PLEKHG3: variants seen among roughly 807,000 people sequenced by gnomAD.
PLEKHG3 encodes pleckstrin homology and RhoGEF domain containing G3.
PLEKHG3 carries 62 observed loss-of-function variants against 94.9 expected under a neutral mutation model. The observed-to-expected ratio is 0.65, with a 90% CI of 0.53 to 0.81. PLEKHG3 has a LOEUF of 0.81. PLEKHG3 is among the 30% of genes least tolerant of loss of function. The pLI, the probability that PLEKHG3 is intolerant of heterozygous loss-of-function variation, is 0.00. For missense variants in PLEKHG3, 1,461 were observed against 1,619.3 expected (o/e 0.90, Z 1.68); for synonymous variants, 614 against 654.0 (o/e 0.94, Z 0.93).
chr14:64,738,015 T>G lies in PLEKHG3; in HGVS notation c.1404+640T>G. On this transcript the variant is annotated intron_variant, in intron 14 of 16. Coordinates refer to ENST00000247226, the MANE Select transcript of PLEKHG3 (RefSeq NM_001308147.2). This position sits in a 1 kb window ranked among gnomAD's most constrained non-coding sequence, Gnocchi z 4.8. ...GGAGGAGGAGGAGGAAGAGCAGGCCTTTCAGGTCTCTCTGGAGGACCTGAC... is the reference window on the plus strand; with the variant it reads ...GGAGGAGGAGGAGGAAGAGCAGGCCGTTCAGGTCTCTCTGGAGGACCTGAC... 2.4e-6 allele frequency: 3 copies of G among 1,275,160 alleles called. No homozygotes were observed. Among genetic ancestry groups the G allele is most frequent in the Non-Finnish European group, 3.0e-6 (3 of 983,788 alleles). The allele number at this position is 1,275,160 out of a possible 1,614,324, so 79.0% of individuals were successfully genotyped here.
rs2081699002 is a variant in PLEKHG3, at chr14:64,741,719, C to T, written c.2202C>T (p.Phe734=). ...YENAEHHDAG[F]SVRRRESLSY... ...ATGCAGAACACCATGATGCAGGCTT[C>T]AGCGTCCGTCGCCGGGAGAGCCTCT... Residue 734 remains phenylalanine, a synonymous_variant, in exon 16 of 17, where the codon TTC becomes TTT. Coordinates refer to ENST00000247226, the MANE Select transcript of PLEKHG3 (RefSeq NM_001308147.2). 1 of 1,613,116 alleles carries T rather than the reference C, an allele frequency of 6.2e-7. No homozygotes were observed. Among genetic ancestry groups the T allele is most frequent in the Non-Finnish European group, 8.5e-7 (1 of 1,180,040 alleles).
At chr14:64,709,186 A>G (rs1197720567) in intron 1 of PLEKHG3, among the ~76,000 whole-genome samples, 1 of 152,214 alleles carries the variant, frequency 6.6e-6, no homozygotes, top group African/African-American at 2.4e-5. Flanking sequence ...AGAATGGTAC[A>G]AAGTGTGATC....
Position 64,749,902 on chromosome 14 carries a change from C to T in PLEKHG3, c.*6199C>T, listed in dbSNP as rs1002512444. The T allele has an allele frequency of 5.7e-6, 9 of 1,588,460 alleles. No individual in the cohort carries two copies. The Admixed American group carries it at 1.2e-4, about 21-fold the overall frequency. On this transcript the variant is annotated 3_prime_UTR_variant, in exon 17 of 17. Coordinates refer to ENST00000247226, the MANE Select transcript of PLEKHG3 (RefSeq NM_001308147.2). This position sits in a 1 kb window ranked among gnomAD's most constrained non-coding sequence, Gnocchi z 4.7. The stretch of plus-strand genomic sequence containing the variant: ...AGCAGCTCAGGCCTGGCACTGGTCC[C>T]CTACAGAGGGCCTCTGCCCTGCCAC...
Position 64,728,668 on chromosome 14 carries a change from G to A in PLEKHG3, c.352-328G>A, listed in dbSNP as rs1473468913. Among the ~76,000 whole-genome samples, 3 of 152,140 alleles carry A rather than the reference G, an allele frequency of 2.0e-5. No homozygotes were observed. Among genetic ancestry groups the A allele is most frequent in the Non-Finnish European group, 4.4e-5 (3 of 68,026 alleles). The stretch of plus-strand genomic sequence containing the variant: ...ATTGTTGGCCTGGAGATGCGGCCCA[G>A]CACCTTCCCATCACCTTTTTCTTTG... On this transcript the variant is annotated intron_variant, in intron 2 of 16. Transcript: ENST00000247226. This position sits in a 1 kb window ranked among gnomAD's most constrained non-coding sequence, Gnocchi z 5.9.
In PLEKHG3 at chr14:64,743,365, G is replaced by A; in HGVS notation, c.3322G>A (p.Gly1108Arg). Residue 1108 changes from glycine to arginine, a missense_variant, in exon 17 of 17, where the codon GGA becomes AGA. Gly to Arg is a moderately radical substitution (Grantham distance 125, BLOSUM62 -2). This residue lies in a region of PLEKHG3 where 1,201 missense variants were observed against 1,295.5 expected (regional missense o/e 0.93). Coordinates refer to ENST00000247226, the MANE Select transcript of PLEKHG3 (RefSeq NM_001308147.2). The surrounding 1 kb of genome is among the most constrained non-coding windows in gnomAD (Gnocchi z 7.2). Reference sequence around the variant, plus strand: ...CAGCCTGAGCACCAAGAGGGGCCGGGGAGGCGGAGAGGCTGCCCAATCCCC... The same window carrying A: ...CAGCCTGAGCACCAAGAGGGGCCGGAGAGGCGGAGAGGCTGCCCAATCCCC... ...CRSLSTKRGR[G>R]GGEAAQSPGP... The A allele has an allele frequency of 6.2e-7, 1 of 1,608,146 alleles. No homozygotes were observed. Among genetic ancestry groups the A allele is most frequent in the Non-Finnish European group, 8.5e-7 (1 of 1,177,204 alleles).
chr14:64,743,554 G>A lies in PLEKHG3; in HGVS notation c.3511G>A (p.Val1171Met). ...ESSGQGPSSPVALLGQVQDFQ... is the reference protein window; with the variant it reads ...ESSGQGPSSPMALLGQVQDFQ... The stretch of plus-strand genomic sequence containing the variant: ...CAGTGGCCAGGGACCAAGCTCACCG[G>A]TGGCCCTGCTGGGGCAGGTTCAGGA... Residue 1171 changes from valine to methionine, a missense_variant, in exon 17 of 17, where the codon GTG becomes ATG. Coordinates refer to ENST00000247226, the MANE Select transcript of PLEKHG3 (RefSeq NM_001308147.2). The surrounding 1 kb of genome is among the most constrained non-coding windows in gnomAD (Gnocchi z 7.2). The A allele has an allele frequency of 6.2e-7, 1 of 1,612,964 alleles. No homozygotes were observed. Among genetic ancestry groups the A allele is most frequent in the Non-Finnish European group, 8.5e-7 (1 of 1,179,916 alleles).
intron 1 of PLEKHG3, among the ~76,000 whole-genome samples, chr14:64,706,879 G>A (rs1164620591): frequency 7.9e-5 from 12 of 152,254 alleles, no homozygotes; most frequent in African/African-American, 2.9e-4. Context: ...CTGTAAGCCA[G>A]GGGTGCTGCC....
rs2081613218 is a variant in PLEKHG3 at position 64,738,180 on chromosome 14, T to C, written c.1405-562T>C. 2 of 1,291,402 alleles carry C rather than the reference T, an allele frequency of 1.5e-6. No individual in the cohort carries two copies. Among genetic ancestry groups the C allele is most frequent in the African/African-American group, 1.5e-5 (1 of 66,094 alleles). 80.0% of individuals were successfully genotyped at this position (1,291,402 alleles called of 1,614,324 possible). On this transcript the variant is annotated intron_variant, in intron 14 of 16. Coordinates refer to ENST00000247226, the MANE Select transcript of PLEKHG3 (RefSeq NM_001308147.2). This position sits in a 1 kb window ranked among gnomAD's most constrained non-coding sequence, Gnocchi z 4.8. ...CTCCCTGCTGGCCGCCCTCCACTGC[T>C]GGCACTATCGGGCCAACGCTTTACT...
intron 1 of PLEKHG3, among the ~76,000 whole-genome samples, chr14:64,709,059 C>T (rs1176024104): frequency 1.1e-4 from 17 of 152,338 alleles, no homozygotes; most frequent in Admixed American, 8.5e-4. Context: ...CCATCTAGAG[C>T]TGCTGGTAGC....
At position 64,732,315 on chromosome 14, in the gene PLEKHG3, G is replaced by T. The variant is rs114393302; in HGVS notation, c.1213-112G>T. 2 of 1,236,184 alleles carry T rather than the reference G, an allele frequency of 1.6e-6. No homozygotes were observed. The highest frequency in any genetic ancestry group is 2.4e-6 in the Non-Finnish European group (2 of 837,878). The allele number at this position is 1,236,184 out of a possible 1,614,324, so 76.6% of individuals were successfully genotyped here. On this transcript the variant is annotated intron_variant, in intron 10 of 16. Coordinates refer to ENST00000247226, the MANE Select transcript of PLEKHG3 (RefSeq NM_001308147.2). The surrounding 1 kb of genome is among the most constrained non-coding windows in gnomAD (Gnocchi z 4.9). ...TGAGTGTCAGTACAGCAGATGCCCC[G>T]GGCCTTGGTGCAGCACTGTGGGGTG...
In PLEKHG3 at chr14:64,730,769, G is replaced by T. The variant is rs777172786; in HGVS notation, c.567-30G>T. The T allele has an allele frequency of 2.5e-6, 4 of 1,612,296 alleles. No individual in the cohort carries two copies. Among genetic ancestry groups the T allele is most frequent in the Non-Finnish European group, 3.4e-6 (4 of 1,178,712 alleles). On this transcript the variant is annotated intron_variant, in intron 5 of 16. Coordinates refer to ENST00000247226, the MANE Select transcript of PLEKHG3 (RefSeq NM_001308147.2). This position sits in a 1 kb window ranked among gnomAD's most constrained non-coding sequence, Gnocchi z 5.4. Reference sequence around the variant, plus strand: ...CACTTCCTCATCCAGGCCTTCCCCAGGTGGTGACTGGCCCTTCTCCCACTC... The same window carrying T: ...CACTTCCTCATCCAGGCCTTCCCCATGTGGTGACTGGCCCTTCTCCCACTC...
chr14:64,738,858 G>A lies in PLEKHG3; in HGVS notation c.1518+3G>A. ...AGTCCATTTCTTCCCTGCCAGAGGT[G>A]AGCGACCAGCAGGTGGGATGGGGAT... On this transcript the variant is annotated splice_donor_region_variant and intron_variant, in intron 15 of 16. Transcript: ENST00000247226. This position sits in a 1 kb window ranked among gnomAD's most constrained non-coding sequence, Gnocchi z 4.8. 1.9e-6 allele frequency: 3 copies of A among 1,556,790 alleles called. No homozygotes were observed. Among genetic ancestry groups the A allele is most frequent in the East Asian group, 2.4e-5 (1 of 42,542 alleles).
rs1457048671 is a variant in PLEKHG3 at position 64,732,171 on chromosome 14, T to G, written c.1202T>G (p.Ile401Ser). 1 of 1,612,936 alleles carries G rather than the reference T, an allele frequency of 6.2e-7. No individual in the cohort carries two copies. The highest frequency in any genetic ancestry group is 8.5e-7 in the Non-Finnish European group (1 of 1,179,094). Residue 401 changes from isoleucine to serine, a missense_variant, in exon 10 of 17, where the codon ATT becomes AGT. Around this residue, in one of 3 missense-constraint regions of PLEKHG3, gnomAD observed 1,201 missense variants for 1,295.5 expected, o/e 0.93. Transcript: ENST00000247226. The surrounding 1 kb of genome is among the most constrained non-coding windows in gnomAD (Gnocchi z 4.9). Reference protein sequence around the residue: ...RLILENHHATIPQKAKEAILE... With the variant: ...RLILENHHATSPQKAKEAILE... ...ATCCTAGAGAACCACCATGCCACCA[T>G]TCCCCAGAAGGTGAGTTCCCCCAGC... is the stretch of plus-strand genomic sequence containing the variant.
rs2081890158 is a variant in PLEKHG3 at position 64,748,780 on chromosome 14, G to C, written c.*5077G>C. 1 of 156,120 alleles carries C rather than the reference G, an allele frequency of 6.4e-6. No homozygotes were observed. 9.7% of individuals were successfully genotyped at this position (156,120 alleles called of 1,614,324 possible). On this transcript the variant is annotated 3_prime_UTR_variant, in exon 17 of 17. Transcript: ENST00000247226. ...GCTAGGGCTTTGTGGGCCACCTGAA[G>C]GCTCCTTCCTCATGCCCCTAGGGGG...
intron 1 of PLEKHG3, among the ~76,000 whole-genome samples, chr14:64,724,814 A>G (rs939592819): frequency 2.0e-5 from 3 of 152,162 alleles, no homozygotes; most frequent in Non-Finnish European, 4.4e-5. Flanking sequence ...TGAACTCTGG[A>G]GCCTCAGTGC....
rs936581317 is a variant in PLEKHG3, at chr14:64,720,593, A to G, written c.-39-7000A>G. Among the ~76,000 whole-genome samples the G allele has an allele frequency of 6.6e-6, 1 of 152,214 alleles. No homozygotes were observed. Among genetic ancestry groups the G allele is most frequent in the Admixed American group, 6.5e-5 (1 of 15,278 alleles). ...CACTGGGTTTTACTGTATTGTCCAGAAGAGATGCATGTACATATCAAGCCC... is the reference window on the plus strand; with the variant it reads ...CACTGGGTTTTACTGTATTGTCCAGGAGAGATGCATGTACATATCAAGCCC... On this transcript the variant is annotated intron_variant, in intron 1 of 16. Transcript: ENST00000247226. The surrounding 1 kb of genome is among the most constrained non-coding windows in gnomAD (Gnocchi z 4.1).
chr14:64,720,874 A>C lies in PLEKHG3; in HGVS notation c.-39-6719A>C, dbSNP rs1381296091. On this transcript the variant is annotated intron_variant, in intron 1 of 16. Coordinates refer to ENST00000247226, the MANE Select transcript of PLEKHG3 (RefSeq NM_001308147.2). This position sits in a 1 kb window ranked among gnomAD's most constrained non-coding sequence, Gnocchi z 4.1. Reference sequence around the variant, plus strand: ...TCCTTGGCTTGTGGCCCCTTCCTCCATCTTCAAAGCCAGCAGTGTAGCATC... The same window carrying C: ...TCCTTGGCTTGTGGCCCCTTCCTCCCTCTTCAAAGCCAGCAGTGTAGCATC... 2.6e-5 allele frequency among the ~76,000 whole-genome samples: 4 copies of C among 151,994 alleles called. No homozygotes were observed. The highest frequency in any genetic ancestry group is 9.7e-5 in the African/African-American group (4 of 41,372).
At position 64,717,820 on chromosome 14, in the gene PLEKHG3, C is replaced by T. The variant is rs1273338913; in HGVS notation, c.-39-9773C>T. Among the ~76,000 whole-genome samples, 2 of 152,248 alleles carry T rather than the reference C, an allele frequency of 1.3e-5. No individual in the cohort carries two copies. Among genetic ancestry groups the T allele is most frequent in the Non-Finnish European group, 2.9e-5 (2 of 68,054 alleles). On this transcript the variant is annotated intron_variant, in intron 1 of 16. Transcript: ENST00000247226. The surrounding 1 kb of genome is among the most constrained non-coding windows in gnomAD (Gnocchi z 4.7). ...GCTCTAGGGACACCTGCAGCCACAGCCCATATCATGGTTTGGACCTTTTTA... is the reference window on the plus strand; with the variant it reads ...GCTCTAGGGACACCTGCAGCCACAGTCCATATCATGGTTTGGACCTTTTTA...
chr14:64,747,007 G>A lies in PLEKHG3; in HGVS notation c.*3304G>A, dbSNP rs1044730116. 8 of 152,754 alleles carry A rather than the reference G, an allele frequency of 5.2e-5. No individual in the cohort carries two copies. Among genetic ancestry groups the A allele is most frequent in the African/African-American group, 1.4e-4 (6 of 41,454 alleles). The allele number at this position is 152,754 out of a possible 1,614,324, so 9.5% of individuals were successfully genotyped here. On this transcript the variant is annotated 3_prime_UTR_variant, in exon 17 of 17. Transcript: ENST00000247226. ...TTCAGTCTAGTTGGTCGAATGTCTT[G>A]GAGCCTGGGTGACAGGAGGGATGTG... is the stretch of plus-strand genomic sequence containing the variant.
Sources: allele counts gnomAD v4.1 joint callset (sites outside exome capture counted in the v4.1 genomes callset), GRCh38; gene constraint gnomAD v4.1.1; regional missense constraint gnomAD v4.1.1; non-coding constraint Gnocchi (gnomAD v3.1); transcripts MANE v1.5; gene names NCBI Gene and HGNC (gene_info 2026-07-23, HGNC 2026-07-21).